The following RFX3 variants were observed in gnomAD, a reference collection of about 807,000 sequenced individuals.
RFX3 encodes the protein transcription factor RFX3.
Under a neutral mutation model 98.6 loss-of-function variants are expected in RFX3, and 14 were observed. That is an observed-to-expected ratio of 0.14 (90% CI 0.09 to 0.22). RFX3 has a LOEUF of 0.22. Among genes scored for constraint, RFX3 ranks in the 10% least tolerant of loss-of-function variants. RFX3 has a pLI of 1.00. For synonymous variants in RFX3, 383 were observed against 328.4 expected (o/e 1.17, Z -1.80); for missense variants, 639 against 926.9 (o/e 0.69, Z 4.03).
At chr9:3,317,406 T>A (rs1830744895) in intron 4 of RFX3, among the ~76,000 whole-genome samples, 1 of 152,120 alleles carries the variant, frequency 6.6e-6, no homozygotes, top group Admixed American at 6.6e-5. Context: ...GACCTAAAAC[T>A]GTAAAAGCCC....
chr9:3,406,443 G>C (rs1564058641), intron 1 of RFX3, among the ~76,000 whole-genome samples: 1 of 151,704 alleles, frequency 6.6e-6, no homozygotes, highest in Non-Finnish European at 1.5e-5. Flanking sequence ...GTGTCCTCCT[G>C]GTATTCCTAT....
At chr9:3,454,017 C>T (rs1187747765) in intron 1 of RFX3, among the ~76,000 whole-genome samples, 1 of 152,068 alleles carries the variant, frequency 6.6e-6, no homozygotes, top group Non-Finnish European at 1.5e-5. Context: ...TAGAGTAGTA[C>T]ATATAAATAT....
At chr9:3,325,578 T>C (rs971402235) in intron 4 of RFX3, among the ~76,000 whole-genome samples, 1 of 152,072 alleles carries the variant, frequency 6.6e-6, no homozygotes, top group East Asian at 1.9e-4. Flanking sequence ...ATTAATGTAA[T>C]CTTAAGTATT....
intron 4 of RFX3, among the ~76,000 whole-genome samples, chr9:3,315,758 T>C (rs1408414213): frequency 6.6e-6 from 1 of 151,972 alleles, no homozygotes; most frequent in African/African-American, 2.4e-5. Context: ...ACTATGCAAA[T>C]AAACTAGAAA....
At position 3,505,201 on chromosome 9, in the gene RFX3, T is replaced by C. The variant is rs559480638; in HGVS notation, c.-9+20546A>G. On this transcript the variant is annotated intron_variant, in intron 1 of 16. Transcript: ENST00000617270. ...ATAAATATATATATGAATATATATT[T>C]ATATATATATGAATATATATTTATA... Among the ~76,000 whole-genome samples, 106 of 51,922 alleles carry C rather than the reference T, an allele frequency of 2.0e-3. 2 individuals carry two copies. In the South Asian group the frequency reaches 0.03, roughly 15 times the overall value. The allele number at this position is 51,922 out of a possible 152,430, so 34.1% of individuals were successfully genotyped here. A position where few individuals can be genotyped will look rare whatever the true frequency, so the allele number is the denominator to read the frequency against.
At chr9:3,399,130 T>A (rs992979132) in intron 1 of RFX3, among the ~76,000 whole-genome samples, 2 of 151,552 alleles carry the variant, frequency 1.3e-5, no homozygotes, top group African/African-American at 4.8e-5. Flanking sequence ...TCAGAAAACT[T>A]TGAACTAAAA....
At position 3,266,391 on chromosome 9, in the gene RFX3, A is replaced by G. The variant is rs1477797510; in HGVS notation, c.1358-86T>C. 3 of 774,262 alleles carry G rather than the reference A, an allele frequency of 3.9e-6. No homozygotes were observed. The East Asian group carries it at 8.0e-5, about 21-fold the overall frequency. The allele number at this position is 774,262 out of a possible 1,614,324, so 48.0% of individuals were successfully genotyped here. ...CTAGAATAAAAGAAAATGCTCGTAC[A>G]CAATATCTGATACAGCACAGAACTC... On this transcript the variant is annotated intron_variant, in intron 11 of 16. Transcript: ENST00000617270.
At chr9:3,508,993 A>T (rs1206542120) in intron 1 of RFX3, among the ~76,000 whole-genome samples, 2 of 151,872 alleles carry the variant, frequency 1.3e-5, no homozygotes, top group Non-Finnish European at 2.9e-5. Context: ...AGAGACACAG[A>T]GAGGAGAGAG....
chr9:3,470,496 C>CTT (rs200370245), intron 1 of RFX3, among the ~76,000 whole-genome samples: 2 of 143,788 alleles, frequency 1.4e-5, no homozygotes, highest in Admixed American at 6.9e-5. Context: ...TTCTTTTTTT[C>CTT]TTTTTTTTTT....
intron 2 of RFX3, among the ~76,000 whole-genome samples, chr9:3,370,729 T>C (rs1018694670): frequency 1.3e-5 from 2 of 152,146 alleles, no homozygotes; most frequent in African/African-American, 4.8e-5. Flanking sequence ...CAAAAAAGTA[T>C]ACAAAATATT....
At chr9:3,261,939 GTA>G (rs1462796597) in intron 13 of RFX3, among the ~76,000 whole-genome samples, 2 of 152,208 alleles carry the variant, frequency 1.3e-5, no homozygotes, top group African/African-American at 4.8e-5. Flanking sequence ...TTGGCCATTT[GTA>G]TGTTTTCTTT....
At chr9:3,270,328 G>A in intron 11 of RFX3, 43 bp downstream of exon 11, 1 of 1,561,872 alleles carries the variant, frequency 6.4e-7, no homozygotes, top group Non-Finnish European at 8.7e-7. Context: ...TGGGTGGAAT[G>A]TATGAGAACA....
chr9:3,513,459 T>C (rs917442424), intron 1 of RFX3, among the ~76,000 whole-genome samples: 1 of 152,152 alleles, frequency 6.6e-6, no homozygotes, highest in Admixed American at 6.6e-5. Context: ...GTTCTGGGCA[T>C]GGGGTGCCAT....
At chr9:3,271,525 CTT>C (rs1249122052) in intron 9 of RFX3, among the ~76,000 whole-genome samples, 1,325 of 56,108 alleles carry the variant, frequency 0.024, 17 homozygotes, top group African/African-American at 0.052. Flanking sequence ...TCCCTCCCTT[CTT>C]TCTTTCTCTC....
At chr9:3,353,471 T>C (rs1323942713) in intron 2 of RFX3, among the ~76,000 whole-genome samples, 1 of 152,030 alleles carries the variant, frequency 6.6e-6, no homozygotes, top group Non-Finnish European at 1.5e-5. Flanking sequence ...TCTCTCATCA[T>C]TTTCTGAACT....
intron 15 of RFX3, among the ~76,000 whole-genome samples, chr9:3,243,328 G>C (rs1247084524): frequency 7.0e-5 from 2 of 28,520 alleles, no homozygotes; most frequent in Non-Finnish European, 1.8e-4. Context: ...TTATCATTTA[G>C]GCAAAAAAAA....
chr9:3,416,428 A>G (rs1048381761), intron 1 of RFX3, among the ~76,000 whole-genome samples: 3 of 152,200 alleles, frequency 2.0e-5, no homozygotes, highest in African/African-American at 7.2e-5. Context: ...GCCATTTACT[A>G]AAGCCACTTT....
At chr9:3,376,289 G>C (rs191061460) in intron 2 of RFX3, among the ~76,000 whole-genome samples, 3 of 152,014 alleles carry the variant, frequency 2.0e-5, no homozygotes, top group African/African-American at 7.3e-5. Flanking sequence ...TTTCTTATAC[G>C]GTTCAACAAA....
chr9:3,237,378 C>T (rs613518), intron 15 of RFX3, among the ~76,000 whole-genome samples: 117,255 of 152,114 alleles, frequency 0.77, 47,942 homozygotes, highest in East Asian at 0.97. Context: ...CTTCCAGTAG[C>T]AGTACAGTAT....
Sources: gnomAD v4.1 joint callset for allele counts (sites outside exome capture counted in the v4.1 genomes callset) on GRCh38, gnomAD v4.1.1 for gene constraint, MANE v1.5 for transcripts, NCBI Gene and HGNC (gene_info 2026-07-23, HGNC 2026-07-21) for gene names.